FAM20A: variants seen among roughly 807,000 people sequenced by gnomAD.
FAM20A encodes pseudokinase FAM20A.
FAM20A carries 42 observed loss-of-function variants against 52.0 expected under a neutral mutation model. The observed-to-expected ratio is 0.81, with a 90% CI of 0.63 to 1.04. The LOEUF is 1.04. FAM20A is among the 50% of genes least tolerant of loss of function. The pLI is 0.00. For synonymous variants in FAM20A, 304 were observed against 298.9 expected, an observed-to-expected ratio of 1.02 and a Z score of -0.18; for missense variants, 742 against 712.7, an observed-to-expected ratio of 1.04 and a Z score of -0.47.
rs1047012970 is a variant in FAM20A, at chr17:68,572,699, A to G, written c.405-16956T>C. ...CATCAGAATTCTATGGGTTGTCATA[A>G]GCAGGCTGAAGAATTGTTTCTGTTT... On this transcript the variant is annotated intron_variant, in intron 1 of 10. Transcript: ENST00000592554. 2.0e-5 allele frequency among the ~76,000 whole-genome samples: 3 copies of G among 152,214 alleles called. No individual in the cohort carries two copies. The South Asian group carries it at 6.2e-4, about 32-fold the overall frequency.
intron 1 of FAM20A, among the ~76,000 whole-genome samples, chr17:68,587,715 T>C (rs1390205190): frequency 1.3e-5 from 2 of 152,202 alleles, no homozygotes; most frequent in African/African-American, 4.8e-5. Context: ...GCCAGAGTCT[T>C]ACGAATTATA....
At chr17:68,548,015 C>T (rs995830665) in intron 4 of FAM20A, among the ~76,000 whole-genome samples, 1 of 114,794 alleles carries the variant, frequency 8.7e-6, no homozygotes, top group Non-Finnish European at 1.9e-5. Context: ...TAACTGGCCT[C>T]ATTTCAATAT....
chr17:68,600,502 C>T lies in FAM20A; in HGVS notation c.165G>A (p.Arg55=). 1 of 1,590,410 alleles carries T rather than the reference C, an allele frequency of 6.3e-7. No individual in the cohort carries two copies. Among genetic ancestry groups the T allele is most frequent in the Non-Finnish European group, 8.6e-7 (1 of 1,168,846 alleles). The change falls in exon 1 of 11, where the codon CGG becomes CGA. Residue 55 remains arginine, a synonymous_variant. Transcript: ENST00000592554. The surrounding 1 kb of genome is among the most constrained non-coding windows in gnomAD (Gnocchi z 6.2). ...PCTGRASSLA[R]DSAAAASDPG... The stretch of plus-strand genomic sequence containing the variant: ...GGTCCGAGGCAGCTGCGGCCGAGTC[C>T]CGCGCCAGGGAGGAGGCGCGGCCGG...
intron 7 of FAM20A, 198 bp from the exon 8 acceptor site, chr17:68,541,156 C>T (rs1159639892): frequency 4.3e-6 from 3 of 695,032 alleles, no homozygotes; most frequent in Non-Finnish European, 4.6e-6. Flanking sequence ...GGTCCTGGGT[C>T]CTTTAAGTCT....
chr17:68,595,564 ACT>A (rs1344423738), intron 1 of FAM20A, among the ~76,000 whole-genome samples: 1 of 152,054 alleles, frequency 6.6e-6, no homozygotes, highest in African/African-American at 2.4e-5. Context: ...CAGGCTCCCC[ACT>A]CTCTCTGCTA....
chr17:68,598,166 A>G (rs1435592156), intron 1 of FAM20A: 3 of 151,334 alleles, frequency 2.0e-5, no homozygotes, highest in East Asian at 1.9e-4. Context: ...ACCACTGGCT[A>G]TTTTTTTTGT....
At position 68,600,026 on chromosome 17, in the gene FAM20A, G is replaced by C. The variant is rs1011411709; in HGVS notation, c.404+237C>G. On this transcript the variant is annotated intron_variant, in intron 1 of 10. Coordinates refer to ENST00000592554, the MANE Select transcript of FAM20A (RefSeq NM_017565.4). The surrounding 1 kb of genome is among the most constrained non-coding windows in gnomAD (Gnocchi z 6.2). The stretch of plus-strand genomic sequence containing the variant: ...AAGGGGCTGAGAGCGTTTCTTCGCT[G>C]TGCGGCTGCAATAGAAACTTTTTCC... Among the ~76,000 whole-genome samples the C allele has an allele frequency of 2.0e-5, 3 of 152,220 alleles. No individual in the cohort carries two copies. Among genetic ancestry groups the C allele is most frequent in the African/African-American group, 4.8e-5 (2 of 41,466 alleles).
chr17:68,558,254 G>A lies in FAM20A; in HGVS notation c.405-2511C>T, dbSNP rs551647883. ...AGAATGAGCTTGAAGGAGGACCCCT[G>A]AGCTGCTGACGAAAATGCAGCCAAC... On this transcript the variant is annotated intron_variant, in intron 1 of 10. Transcript: ENST00000592554. 3 of 379,826 alleles carry A rather than the reference G, an allele frequency of 7.9e-6. 1 individual carries two copies. The highest frequency in any genetic ancestry group is 6.3e-5 in the African/African-American group (3 of 47,942). 23.5% of individuals were successfully genotyped at this position (379,826 alleles called of 1,614,324 possible). A position where few individuals can be genotyped will look rare whatever the true frequency, so the allele number is the denominator to read the frequency against.
intron 1 of FAM20A, among the ~76,000 whole-genome samples, chr17:68,571,150 T>G (rs1430755539): frequency 2.6e-5 from 4 of 152,200 alleles, no homozygotes; most frequent in Non-Finnish European, 4.4e-5. Context: ...AATCTCTTCG[T>G]TGGAAACTGA....
intron 1 of FAM20A, among the ~76,000 whole-genome samples, chr17:68,593,463 A>G (rs2088366865): frequency 6.6e-6 from 1 of 152,114 alleles, no homozygotes; most frequent in Non-Finnish European, 1.5e-5. Flanking sequence ...ACTTTCCTTC[A>G]TGGCTTTTTT....
chr17:68,584,349 A>AACAAAACAAAAC (rs1568778254), intron 1 of FAM20A, among the ~76,000 whole-genome samples: 7 of 27,864 alleles, frequency 2.5e-4, no homozygotes, highest in African/African-American at 5.4e-4. Context: ...AAACAAAACA[A>AACAAAACAAAAC]AAAAAAAACC....
At chr17:68,551,092 A>G in intron 4 of FAM20A, 1 of 1,234,336 alleles carries the variant, frequency 8.1e-7, no homozygotes, top group Non-Finnish European at 1.0e-6. Context: ...AGGTCACCTC[A>G]TCATCTCAAG....
intron 2 of FAM20A, 80 bp downstream of exon 2, chr17:68,555,479 C>G: frequency 6.6e-7 from 1 of 1,516,874 alleles, no homozygotes; most frequent in South Asian, 1.1e-5. Flanking sequence ...ATGTTCCACT[C>G]TGGAGCCTAG....
chr17:68,597,803 A>G (rs1210704209), intron 1 of FAM20A, among the ~76,000 whole-genome samples: 1 of 152,088 alleles, frequency 6.6e-6, no homozygotes. Flanking sequence ...TCTGCTGTCC[A>G]TTCTATTTAT....
intron 3 of FAM20A, among the ~76,000 whole-genome samples, chr17:68,552,674 T>A (rs1600570780): frequency 1.1e-5 from 1 of 88,726 alleles, no homozygotes; most frequent in African/African-American, 4.2e-5. Flanking sequence ...TCCTTTTTTT[T>A]TTTTTTTTTT....
chr17:68,562,485 T>A (rs1474458789), intron 1 of FAM20A, among the ~76,000 whole-genome samples: 1 of 152,228 alleles, frequency 6.6e-6, no homozygotes, highest in Non-Finnish European at 1.5e-5. Flanking sequence ...GGGGTATGCA[T>A]GAGTAGCTTC....
At chr17:68,579,266 A>G (rs1422264060) in intron 1 of FAM20A, among the ~76,000 whole-genome samples, 2 of 152,140 alleles carry the variant, frequency 1.3e-5, no homozygotes, top group Non-Finnish European at 2.9e-5. Context: ...GTCTCAGCCA[A>G]TAATCCTGTG....
chr17:68,572,695 C>T (rs1328531385), intron 1 of FAM20A, among the ~76,000 whole-genome samples: 1 of 152,212 alleles, frequency 6.6e-6, no homozygotes, highest in African/African-American at 2.4e-5. Flanking sequence ...TATGGGTTGT[C>T]ATAAGCAGGC....
intron 1 of FAM20A, among the ~76,000 whole-genome samples, chr17:68,598,521 G>C (rs1418259731): frequency 2.0e-5 from 3 of 152,130 alleles, no homozygotes; most frequent in Non-Finnish European, 4.4e-5. Context: ...ACTACTCTGT[G>C]ATCTCTGAAT....
Sources: gnomAD v4.1 joint callset for allele counts (sites outside exome capture counted in the v4.1 genomes callset) on GRCh38, gnomAD v4.1.1 for gene constraint, Gnocchi (gnomAD v3.1) non-coding constraint, MANE v1.5 for transcripts, NCBI Gene and HGNC (gene_info 2026-07-23, HGNC 2026-07-21) for gene names.